The following CALN1 variants were observed in gnomAD, a reference collection of about 807,000 sequenced individuals.
The protein encoded by CALN1 is calcium-binding protein 8.
CALN1 carries 17 observed loss-of-function variants against 30.6 expected under a neutral mutation model. That is an observed-to-expected ratio of 0.56 (90% confidence interval 0.38 to 0.83). The LOEUF is 0.83. CALN1 is among the 40% of genes least tolerant of loss of function. The probability of loss-of-function intolerance (pLI) is 0.00; values close to 1 mark genes in which losing one functional copy is unlikely to be tolerated. For missense variants in CALN1, 291 were observed against 354.9 expected, an observed-to-expected ratio of 0.82 and a Z score of 1.45; for synonymous variants, 156 against 131.4, an observed-to-expected ratio of 1.19 and a Z score of -1.28.
chr7:72,493,880 A>C, the CALN1 span, among the ~76,000 whole-genome samples: 1 of 152,202 alleles, frequency 6.6e-6, no homozygotes, highest in Non-Finnish European at 1.5e-5. Flanking sequence ...TTGTGGGTGT[A>C]GTTTTCTCAT....
chr7:72,197,334 TG>T, intron 3 of CALN1, among the ~76,000 whole-genome samples: 1 of 152,180 alleles, frequency 6.6e-6, no homozygotes, highest in Middle Eastern at 3.4e-3. Flanking sequence ...TCTGAGTAGC[TG>T]GGATTACAGG....
chr7:72,493,550 G>A, the CALN1 span, among the ~76,000 whole-genome samples: 1 of 152,152 alleles, frequency 6.6e-6, no homozygotes, highest in Non-Finnish European at 1.5e-5. Flanking sequence ...TGTTGGCCAA[G>A]CTGGTCTCGA....
rs185233811 is a variant in CALN1 at position 71,834,145 on chromosome 7, C to A, written c.502-23653G>T. 1.1e-3 allele frequency among the ~76,000 whole-genome samples: 154 copies of A among 145,384 alleles called. 1 individual carries two copies. The highest frequency in any genetic ancestry group is 3.9e-3 in the African/African-American group (151 of 38,898). ...GCCGAGGCAGGAGAATCTCTTGAAT[C>A]CAGGAGGCAAAGGTTGCAGTGAGCC... On this transcript the variant is annotated intron_variant, in intron 5 of 6. Transcript: ENST00000395275.
In CALN1 at chr7:71,786,877, G is replaced by A. The variant is rs1234013665; in HGVS notation, c.*898C>T. 6.6e-6 allele frequency: 1 copy of A among 152,638 alleles called. No homozygotes were observed. Among genetic ancestry groups the A allele is most frequent in the African/African-American group, 2.4e-5 (1 of 41,452 alleles). 9.5% of individuals were successfully genotyped at this position (152,638 alleles called of 1,614,324 possible). On this transcript the variant is annotated 3_prime_UTR_variant, in exon 7 of 7. Transcript: ENST00000395275. ...GCCTCACCCCTGCCCCAAAGAAGCA[G>A]GGATGAGTGTGGGAGGGAGGACAAG...
intron 2 of CALN1, among the ~76,000 whole-genome samples, chr7:72,347,053 T>C (rs1490931734): frequency 6.6e-6 from 1 of 151,920 alleles, no homozygotes. Context: ...TAACTGAAGT[T>C]TGAAAAGGAA....
chr7:71,889,697 G>A (rs889979365), intron 5 of CALN1, among the ~76,000 whole-genome samples: 11 of 152,338 alleles, frequency 7.2e-5, no homozygotes, highest in Middle Eastern at 3.4e-3. Flanking sequence ...GCTCAAGCCT[G>A]TAATCCCAGC....
intron 5 of CALN1, among the ~76,000 whole-genome samples, chr7:71,877,911 CCATAGTGGTAGT>C (rs1792342879): frequency 6.6e-6 from 1 of 152,206 alleles, no homozygotes; most frequent in Non-Finnish European, 1.5e-5. Flanking sequence ...AGCCATTTTG[CCATAGTGGTAGT>C]CAAATGTCAG....
intron 5 of CALN1, among the ~76,000 whole-genome samples, chr7:71,958,882 A>G (rs1296970600): frequency 1.3e-5 from 2 of 152,180 alleles, no homozygotes; most frequent in African/African-American, 4.8e-5. Flanking sequence ...CACAACAGAC[A>G]TTGCCCAGAG....
intron 3 of CALN1, among the ~76,000 whole-genome samples, chr7:72,221,244 T>C (rs962422808): frequency 6.6e-6 from 1 of 151,808 alleles, no homozygotes; most frequent in Non-Finnish European, 1.5e-5. Context: ...CTGGACAATC[T>C]GTTATAAGAG....
At chr7:72,463,891 T>C in the CALN1 span, among the ~76,000 whole-genome samples, 1 of 145,020 alleles carries the variant, frequency 6.9e-6, no homozygotes, top group South Asian at 2.1e-4. Flanking sequence ...ATGGGTTTCT[T>C]AGAAGCAGGA....
chr7:71,950,565 G>A (rs1796639749), intron 5 of CALN1, among the ~76,000 whole-genome samples: 1 of 152,040 alleles, frequency 6.6e-6, no homozygotes, highest in Admixed American at 6.6e-5. Flanking sequence ...GCCCCAAACA[G>A]CTCATACTGA....
intron 6 of CALN1, among the ~76,000 whole-genome samples, chr7:71,801,963 G>A (rs1402825840): frequency 1.3e-5 from 2 of 151,328 alleles, no homozygotes; most frequent in African/African-American, 4.9e-5. Context: ...GGGCAACAGA[G>A]CAAGACTGTG....
intron 2 of CALN1, among the ~76,000 whole-genome samples, chr7:72,294,423 T>C (rs563181323): frequency 6.6e-6 from 1 of 152,204 alleles, no homozygotes; most frequent in South Asian, 2.1e-4. Flanking sequence ...ATGTACCATA[T>C]CATAGCACTG....
chr7:72,362,113 A>G (rs1803609502), intron 2 of CALN1, among the ~76,000 whole-genome samples: 1 of 152,190 alleles, frequency 6.6e-6, no homozygotes, highest in Admixed American at 6.5e-5. Flanking sequence ...TTAACAGAAT[A>G]CAGTATATGA....
At chr7:71,994,706 ATGAGTTGCCAGTTCTGTGCTG>A (rs1468076672) in intron 5 of CALN1, among the ~76,000 whole-genome samples, 1 of 152,094 alleles carries the variant, frequency 6.6e-6, no homozygotes, top group East Asian at 1.9e-4. Context: ...CTGGAGAAAG[ATGAGTTGCCAGTTCTGTGCTG>A]AAATGCAGAA....
At chr7:72,228,187 G>A (rs1296807769) in intron 3 of CALN1, among the ~76,000 whole-genome samples, 4 of 151,928 alleles carry the variant, frequency 2.6e-5, no homozygotes, top group Non-Finnish European at 5.9e-5. Context: ...ATCCCAATGT[G>A]TTTCTCTCAT....
At chr7:71,821,338 G>A (rs955162574) in intron 5 of CALN1, among the ~76,000 whole-genome samples, 5 of 152,084 alleles carry the variant, frequency 3.3e-5, no homozygotes, top group South Asian at 2.1e-4. Flanking sequence ...AGACATACCC[G>A]AGACTGGGTA....
chr7:72,228,585 G>A (rs2129550404), intron 3 of CALN1, among the ~76,000 whole-genome samples: 1 of 151,804 alleles, frequency 6.6e-6, no homozygotes, highest in South Asian at 2.1e-4. Flanking sequence ...ATTACTCTCT[G>A]AGCCTCAGTT....
upstream of CALN1, among the ~76,000 whole-genome samples, chr7:72,413,707 CAT>C (rs1357599353): frequency 4.6e-5 from 7 of 152,034 alleles, no homozygotes; most frequent in African/African-American, 1.2e-4. Flanking sequence ...TACACATACA[CAT>C]ATACACTTAC....
Sources: gnomAD v4.1 joint callset for allele counts (sites outside exome capture counted in the v4.1 genomes callset) on GRCh38, gnomAD v4.1.1 for gene constraint, MANE v1.5 for transcripts, NCBI Gene and HGNC (gene_info 2026-07-23, HGNC 2026-07-21) for gene names.